GARIN1B: variants seen among roughly 807,000 people sequenced by gnomAD.
GARIN1B encodes Golgi-associated RAB2 interactor protein 1B.
chr7:128,715,983 A>T, the GARIN1B span, among the ~76,000 whole-genome samples: 3 of 152,198 alleles, frequency 2.0e-5, no homozygotes, highest in Non-Finnish European at 4.4e-5. Flanking sequence ...CTGTCACCTG[A>T]AGTAGATGAA....
chr7:128,711,444 T>C, the GARIN1B span, among the ~76,000 whole-genome samples: 1 of 151,938 alleles, frequency 6.6e-6, no homozygotes, highest in Non-Finnish European at 1.5e-5. Flanking sequence ...TAAAATAAGC[T>C]AAGGGAACAT....
the GARIN1B span, chr7:128,729,968 C>T: frequency 5.1e-5 from 83 of 1,614,196 alleles, no homozygotes; most frequent in African/African-American, 1.3e-4. Flanking sequence ...GCTTCATTCA[C>T]GTACGGAGAG....
chr7:128,709,951 C>T, the GARIN1B span, among the ~76,000 whole-genome samples: 1 of 151,908 alleles, frequency 6.6e-6, no homozygotes, highest in Non-Finnish European at 1.5e-5. Flanking sequence ...TGGGGTTTCA[C>T]CATGTTGGCC....
the GARIN1B span, chr7:128,730,002 C>A: frequency 6.2e-7 from 1 of 1,614,230 alleles, no homozygotes; most frequent in South Asian, 1.1e-5. Flanking sequence ...ACCCCTCCGG[C>A]CTGCAGCCCC....
At chr7:128,713,229 C>T in the GARIN1B span, among the ~76,000 whole-genome samples, 1 of 152,158 alleles carries the variant, frequency 6.6e-6, no homozygotes, top group Non-Finnish European at 1.5e-5. Context: ...ATTGCTTGAA[C>T]TCGGGACATG....
At chr7:128,717,253 A>C in the GARIN1B span, among the ~76,000 whole-genome samples, 1 of 152,116 alleles carries the variant, frequency 6.6e-6, no homozygotes, top group African/African-American at 2.4e-5. Context: ...CACAGACGCC[A>C]CTGAATTCAT....
chr7:128,723,415 G>A, the GARIN1B span: 1 of 1,483,176 alleles, frequency 6.7e-7, no homozygotes, highest in South Asian at 1.2e-5. Flanking sequence ...TGGTTAATGA[G>A]CGCAGGGTTT....
the GARIN1B span, among the ~76,000 whole-genome samples, chr7:128,725,656 G>A: frequency 7.9e-5 from 12 of 152,188 alleles, no homozygotes; most frequent in African/African-American, 2.7e-4. Flanking sequence ...ATAGGAGGGA[G>A]CCACTGTGTC....
At chr7:128,730,044 C>T in the GARIN1B span, 31 of 1,613,936 alleles carry the variant, frequency 1.9e-5, no homozygotes, top group Admixed American at 5.0e-5. Flanking sequence ...CAGCCTCCAC[C>T]GGGCCACAGC....
the GARIN1B span, chr7:128,719,080 G>A: frequency 5.6e-6 from 9 of 1,612,932 alleles, no homozygotes; most frequent in Non-Finnish European, 5.9e-6. Flanking sequence ...CAGGAGATTC[G>A]AAGGTAAGTG....
At chr7:128,729,876 C>A in the GARIN1B span, 3 of 1,607,046 alleles carry the variant, frequency 1.9e-6, no homozygotes, top group Non-Finnish European at 2.6e-6. Context: ...AGCACACAAG[C>A]AAATGCATTT....
the GARIN1B span, among the ~76,000 whole-genome samples, chr7:128,709,397 T>C: frequency 2.0e-5 from 3 of 152,244 alleles, no homozygotes; most frequent in Non-Finnish European, 4.4e-5. Context: ...GTAAAATGTT[T>C]AGTGGTCCAA....
chr7:128,728,652 C>T, the GARIN1B span, among the ~76,000 whole-genome samples: 1 of 152,148 alleles, frequency 6.6e-6, no homozygotes, highest in South Asian at 2.1e-4. Flanking sequence ...GGAATCCAGG[C>T]CAAATATTCT....
chr7:128,723,471 G>A, the GARIN1B span: 2 of 845,846 alleles, frequency 2.4e-6, no homozygotes, highest in African/African-American at 3.4e-5. Context: ...CCGGCACTTT[G>A]GGAGGTCAAG....
chr7:128,719,697 C>CTTTT, the GARIN1B span, among the ~76,000 whole-genome samples: 39 of 99,000 alleles, frequency 3.9e-4, no homozygotes, highest in Non-Finnish European at 5.0e-4. Context: ...TTTTGTTTTG[C>CTTTT]TTTTTTTTTT....
the GARIN1B span, chr7:128,729,777 T>C: frequency 1.0e-6 from 1 of 979,456 alleles, no homozygotes; most frequent in Non-Finnish European, 1.6e-6. Context: ...TAAAGGACCA[T>C]GAATGCACGT....
the GARIN1B span, chr7:128,709,243 T>C: frequency 2.0e-5 from 3 of 152,352 alleles, no homozygotes; most frequent in Admixed American, 2.0e-4. Flanking sequence ...TAAGTCACAA[T>C]ACTTTGGGGT....
chr7:128,729,420 G>A, the GARIN1B span, among the ~76,000 whole-genome samples: 1 of 152,224 alleles, frequency 6.6e-6, no homozygotes, highest in Non-Finnish European at 1.5e-5. Context: ...GCGGGATTGA[G>A]ACTGCGATTC....
the GARIN1B span, among the ~76,000 whole-genome samples, chr7:128,720,190 C>A: frequency 6.9e-6 from 1 of 145,952 alleles, no homozygotes; most frequent in Non-Finnish European, 1.5e-5. Context: ...CAATTATCAA[C>A]TTTTTCCTTC....
Sources: allele counts gnomAD v4.1 joint callset (sites outside exome capture counted in the v4.1 genomes callset), GRCh38; gene constraint gnomAD v4.1.1; transcripts MANE v1.5; gene names NCBI Gene and HGNC (gene_info 2026-07-23, HGNC 2026-07-21).